The following MAD1L1 variants were observed in gnomAD, a reference collection of about 807,000 sequenced individuals.
The protein encoded by MAD1L1 is mitotic arrest deficient 1 like 1.
Under a neutral mutation model 96.9 loss-of-function variants are expected in MAD1L1, and 95 were observed. The observed-to-expected ratio is 0.98, with a 90% CI of 0.83 to 1.16. The LOEUF (loss-of-function observed/expected upper bound fraction) is 1.16. MAD1L1 is among the 50% of genes most tolerant of loss of function. The pLI, the probability that MAD1L1 is intolerant of heterozygous loss-of-function variation, is 0.00. For synonymous variants in MAD1L1, 473 were observed against 396.6 expected (o/e 1.19, Z -2.29); for missense variants, 1,007 against 954.4 (o/e 1.06, Z -0.73).
At position 2,110,224 on chromosome 7, in the gene MAD1L1, T is replaced by A. The variant is rs186379162; in HGVS notation, c.1073+38928A>T. 2.1e-4 allele frequency among the ~76,000 whole-genome samples: 32 copies of A among 152,314 alleles called. 1 individual carries two copies. In the East Asian group the frequency reaches 4.1e-3, roughly 19 times the overall value. On this transcript the variant is annotated intron_variant, in intron 11 of 18. Coordinates refer to ENST00000265854, the MANE Select transcript of MAD1L1 (RefSeq NM_001013836.2). ...TCCTGTGACTTCAATGACACAGATG[T>A]CCAGATGGCAGCACCGCAAAGATTC...
At chr7:2,212,707 C>T (rs1021001290) in intron 10 of MAD1L1, among the ~76,000 whole-genome samples, 1 of 152,196 alleles carries the variant, frequency 6.6e-6, no homozygotes, top group Admixed American at 6.5e-5. Flanking sequence ...ACCATGCTTC[C>T]TGTACAGCTG....
At chr7:1,901,311 T>G (rs899312642) in intron 17 of MAD1L1, among the ~76,000 whole-genome samples, 3 of 152,240 alleles carry the variant, frequency 2.0e-5, no homozygotes, top group African/African-American at 7.2e-5. Context: ...ATTGCTTTCT[T>G]GTCGGTTGCT....
At chr7:1,851,115 T>C (rs4236272) in intron 18 of MAD1L1, among the ~76,000 whole-genome samples, 96,709 of 151,962 alleles carry the variant, frequency 0.64, 31,030 homozygotes, top group South Asian at 0.79. Context: ...CCAGAATCTA[T>C]AGGCACTCAT....
chr7:2,067,754 CCA>C (rs912601792), intron 12 of MAD1L1, among the ~76,000 whole-genome samples: 10 of 152,376 alleles, frequency 6.6e-5, no homozygotes, highest in Non-Finnish European at 1.0e-4. Context: ...CCGTGGTTCT[CCA>C]CACACACTTT....
chr7:1,938,312 C>G (rs939036805), intron 16 of MAD1L1, among the ~76,000 whole-genome samples: 1 of 152,170 alleles, frequency 6.6e-6, no homozygotes. Flanking sequence ...ACCTGAGACC[C>G]CGACCTCACA....
At chr7:1,835,251 G>C (rs956115746) in intron 18 of MAD1L1, among the ~76,000 whole-genome samples, 3 of 152,180 alleles carry the variant, frequency 2.0e-5, no homozygotes, top group African/African-American at 7.2e-5. Context: ...CCTCAGATCT[G>C]AAACAGGACA....
chr7:2,137,947 T>C (rs561185561), intron 11 of MAD1L1, among the ~76,000 whole-genome samples: 6 of 152,298 alleles, frequency 3.9e-5, no homozygotes, highest in Non-Finnish European at 5.9e-5. Flanking sequence ...GTCGGATAAC[T>C]ATGCGAGGGC....
chr7:1,993,123 G>T (rs1013786391), intron 14 of MAD1L1, among the ~76,000 whole-genome samples: 5 of 152,208 alleles, frequency 3.3e-5, no homozygotes, highest in Non-Finnish European at 5.9e-5. Flanking sequence ...GGACTTCACT[G>T]CTCTGAGTCT....
intron 18 of MAD1L1, 83 bp from the exon 19 acceptor site, chr7:1,816,311 C>G: frequency 2.1e-6 from 3 of 1,399,324 alleles, no homozygotes; most frequent in East Asian, 2.3e-5. Context: ...CACAGCCCCT[C>G]CAGCCATGGG....
chr7:1,862,205 G>A (rs999125015), intron 18 of MAD1L1, among the ~76,000 whole-genome samples: 1 of 152,174 alleles, frequency 6.6e-6, no homozygotes, highest in Non-Finnish European at 1.5e-5. Context: ...AGGTTACTCC[G>A]GGTTGGTCTC....
At chr7:2,199,819 C>T (rs1265265860) in intron 10 of MAD1L1, among the ~76,000 whole-genome samples, 1 of 152,250 alleles carries the variant, frequency 6.6e-6, no homozygotes, top group African/African-American at 2.4e-5. Flanking sequence ...AACCCACCAC[C>T]CACCTAGGTG....
At chr7:1,831,597 G>A (rs1397920088) in intron 18 of MAD1L1, among the ~76,000 whole-genome samples, 2 of 152,210 alleles carry the variant, frequency 1.3e-5, no homozygotes, top group Non-Finnish European at 2.9e-5. Context: ...CCAAAAGCTA[G>A]GTCTCTTGCA....
chr7:1,919,292 G>A (rs935557824), intron 17 of MAD1L1, among the ~76,000 whole-genome samples: 5 of 152,270 alleles, frequency 3.3e-5, no homozygotes, highest in African/African-American at 1.2e-4. Flanking sequence ...CAGGCTCCCA[G>A]GCCGTCCAAC....
rs747335927 is a variant in MAD1L1, at chr7:2,219,325, C to T, written c.596+7G>A. 11 of 1,559,080 alleles carry T rather than the reference C, an allele frequency of 7.1e-6. No individual in the cohort carries two copies. The highest frequency in any genetic ancestry group is 5.9e-5 in the South Asian group (5 of 85,342). ...GACCCCCGACCCCACACCCTGGCCC[C>T]GCCCACTTGTGTTGCAGGTCCAGCT... On this transcript the variant is annotated splice_region_variant and intron_variant, in intron 6 of 18. Coordinates refer to ENST00000265854, the MANE Select transcript of MAD1L1 (RefSeq NM_001013836.2).
chr7:1,850,799 C>T (rs1009081378), intron 18 of MAD1L1, among the ~76,000 whole-genome samples: 1 of 152,200 alleles, frequency 6.6e-6, no homozygotes, highest in Non-Finnish European at 1.5e-5. Flanking sequence ...AACACATGTT[C>T]ACTGCAGGCC....
In MAD1L1 at chr7:2,144,323, C is replaced by T. The variant is rs996675755; in HGVS notation, c.1073+4829G>A. 2.0e-5 allele frequency among the ~76,000 whole-genome samples: 3 copies of T among 152,232 alleles called. No individual in the cohort carries two copies. The East Asian group carries it at 5.8e-4, about 29-fold the overall frequency. ...CACTGACTGCTCTCAGCGTCCCCAT[C>T]GTCATTCATCGCCGGGATTACAGAT... On this transcript the variant is annotated intron_variant, in intron 11 of 18. Transcript: ENST00000265854.
chr7:2,107,988 C>A (rs748583596), intron 11 of MAD1L1, among the ~76,000 whole-genome samples: 16 of 152,124 alleles, frequency 1.1e-4, no homozygotes, highest in Admixed American at 3.3e-4. Flanking sequence ...CCCCCCACCC[C>A]CCACCAACAG....
chr7:2,212,897 C>T (rs1046408305), intron 10 of MAD1L1, among the ~76,000 whole-genome samples: 2 of 152,234 alleles, frequency 1.3e-5, no homozygotes, highest in Non-Finnish European at 2.9e-5. Context: ...ATTATTTCCT[C>T]GGTATACACC....
chr7:1,926,125 G>A (rs965603948), intron 17 of MAD1L1, among the ~76,000 whole-genome samples: 5 of 152,126 alleles, frequency 3.3e-5, no homozygotes, highest in African/African-American at 9.7e-5. Flanking sequence ...CAAGAGCACA[G>A]ACAATTCACT....
Sources: gnomAD v4.1 joint callset for allele counts (sites outside exome capture counted in the v4.1 genomes callset) on GRCh38, gnomAD v4.1.1 for gene constraint, MANE v1.5 for transcripts, NCBI Gene and HGNC (gene_info 2026-07-23, HGNC 2026-07-21) for gene names.